TJP1: variants seen among roughly 807,000 people sequenced by gnomAD.
TJP1 encodes the protein tight junction protein 1.
A neutral mutation model predicts 194.2 loss-of-function variants in TJP1; 43 were observed. The ratio of observed to expected loss-of-function variants is 0.22; its 90% CI spans 0.17 to 0.29. The LOEUF is 0.29. TJP1 is among the 10% of genes least tolerant of loss of function. TJP1 has a pLI of 1.00. For synonymous variants in TJP1, 801 were observed against 779.0 expected (o/e 1.03, Z -0.47); for missense variants, 1,971 against 2,185.7 (o/e 0.90, Z 1.96).
In TJP1 at chr15:29,822,253, G is replaced by A; in HGVS notation, c.-225C>T. The stretch of plus-strand genomic sequence containing the variant: ...TCTTCTCCACGGGGCGCGCCCGACC[G>A]GCACCTCCCTCCGAGCGCGGCCACC... On this transcript the variant is annotated 5_prime_UTR_variant, in exon 1 of 28. Coordinates refer to ENST00000614355, the MANE Select transcript of TJP1 (RefSeq NM_001330239.4). 4 of 1,169,064 alleles carry A rather than the reference G, an allele frequency of 3.4e-6. No homozygotes were observed. The highest frequency in any genetic ancestry group is 4.2e-6 in the Non-Finnish European group (4 of 947,430). 72.4% of individuals were successfully genotyped at this position (1,169,064 alleles called of 1,614,324 possible). A position where few individuals can be genotyped will look rare whatever the true frequency, so the allele number is the denominator to read the frequency against.
intron 2 of TJP1, among the ~76,000 whole-genome samples, chr15:29,841,852 C>G (rs776928878): frequency 3.3e-5 from 5 of 152,140 alleles, no homozygotes; most frequent in Non-Finnish European, 5.9e-5. Flanking sequence ...TTTGTGGTCT[C>G]TGTCTTCCAA....
intron 2 of TJP1, among the ~76,000 whole-genome samples, chr15:29,928,846 A>G (rs965435088): frequency 1.2e-4 from 18 of 151,964 alleles, no homozygotes; most frequent in East Asian, 7.8e-4. Flanking sequence ...GGAGGCTGAG[A>G]CAGGAGAATG....
chr15:29,871,408 C>T (rs558190582), intron 2 of TJP1, among the ~76,000 whole-genome samples: 19 of 152,356 alleles, frequency 1.2e-4, no homozygotes, highest in East Asian at 7.7e-4. Context: ...ACCATGCCCT[C>T]GTGGGCAAAA....
intron 1 of TJP1, among the ~76,000 whole-genome samples, chr15:29,967,834 C>G (rs1052693773): frequency 6.6e-6 from 1 of 152,190 alleles, no homozygotes; most frequent in African/African-American, 2.4e-5. Flanking sequence ...ATGAACTACA[C>G]TGACCACTAA....
intron 25 of TJP1, 118 bp downstream of exon 25, chr15:29,708,441 T>C: frequency 1.2e-6 from 1 of 825,998 alleles, no homozygotes; most frequent in Non-Finnish European, 1.9e-6. Flanking sequence ...AACAACACTC[T>C]TCAGTTTAAA....
intron 2 of TJP1, among the ~76,000 whole-genome samples, chr15:29,851,131 C>T (rs1171413292): frequency 1.3e-5 from 2 of 151,844 alleles, no homozygotes; most frequent in South Asian, 4.2e-4. Context: ...GAGTGAGACT[C>T]TGCCTCAAAA....
chr15:29,713,086 A>C (rs774392097), intron 23 of TJP1, among the ~76,000 whole-genome samples: 3 of 152,218 alleles, frequency 2.0e-5, no homozygotes, highest in Non-Finnish European at 4.4e-5. Context: ...GATGTCTCAC[A>C]AACACAAAAA....
chr15:29,912,199 C>T (rs1440037522), intron 2 of TJP1, among the ~76,000 whole-genome samples: 1 of 152,200 alleles, frequency 6.6e-6, no homozygotes, highest in Non-Finnish European at 1.5e-5. Context: ...TAAGCCCATT[C>T]ATGAAGGCTC....
In TJP1 at chr15:29,772,050, G is replaced by T. The variant is rs755198584; in HGVS notation, c.312+14C>A. 1.3e-6 allele frequency: 2 copies of T among 1,551,302 alleles called. No individual in the cohort carries two copies. The highest frequency in any genetic ancestry group is 1.8e-6 in the Non-Finnish European group (2 of 1,135,128). ...TGGGGTACCTTTACTAAATTACAGA[G>T]AAAAGATACTTACAATTTTTGCATT... On this transcript the variant is annotated intron_variant, in intron 4 of 27. Coordinates refer to ENST00000614355, the MANE Select transcript of TJP1 (RefSeq NM_001330239.4).
intron 1 of TJP1, among the ~76,000 whole-genome samples, chr15:29,808,082 AC>A (rs1340033702): frequency 1.3e-5 from 2 of 152,154 alleles, no homozygotes; most frequent in African/African-American, 4.8e-5. Flanking sequence ...AGCCTGGCCA[AC>A]CTGGTGAAAC....
At chr15:29,808,493 A>G (rs1476264695) in intron 1 of TJP1, among the ~76,000 whole-genome samples, 1 of 152,206 alleles carries the variant, frequency 6.6e-6, no homozygotes, top group Non-Finnish European at 1.5e-5. Flanking sequence ...TATGTTATTT[A>G]AAAATTCAAA....
At chr15:29,877,409 G>T (rs558104257) in intron 2 of TJP1, among the ~76,000 whole-genome samples, 25 of 152,248 alleles carry the variant, frequency 1.6e-4, no homozygotes, top group African/African-American at 6.0e-4. Flanking sequence ...TAGACACAGG[G>T]TCTCACTTTG....
chr15:29,748,100 T>C (rs1486463710), intron 8 of TJP1, among the ~76,000 whole-genome samples: 1 of 152,218 alleles, frequency 6.6e-6, no homozygotes, highest in Non-Finnish European at 1.5e-5. Context: ...AAGAGAATTA[T>C]AAAATGAGCT....
intron 4 of TJP1, among the ~76,000 whole-genome samples, chr15:29,770,891 C>T (rs910091077): frequency 6.6e-6 from 1 of 151,762 alleles, no homozygotes; most frequent in East Asian, 1.9e-4. Flanking sequence ...AATATTAAAA[C>T]GTTAAAAATT....
chr15:29,869,956 A>G (rs909050243), intron 2 of TJP1, among the ~76,000 whole-genome samples: 10 of 150,758 alleles, frequency 6.6e-5, no homozygotes, highest in African/African-American at 2.4e-4. Context: ...ATAAGTGCCC[A>G]CCACCACGTC....
intron 2 of TJP1, among the ~76,000 whole-genome samples, chr15:29,899,776 C>T (rs183131567): frequency 9.7e-4 from 147 of 152,246 alleles, no homozygotes; most frequent in African/African-American, 3.3e-3. Flanking sequence ...GTAAAAAGGA[C>T]CCCACCGACC....
In TJP1 at chr15:29,741,207, T is replaced by A. The variant is rs374102376; in HGVS notation, c.1256+124A>T. On this transcript the variant is annotated intron_variant, in intron 10 of 27. Coordinates refer to ENST00000614355, the MANE Select transcript of TJP1 (RefSeq NM_001330239.4). ...AGCAGAATGTTAAATATAAAAATAA[T>A]CATAGTATTAGGTGGTATGTACTAT... is the stretch of plus-strand genomic sequence containing the variant. The A allele has an allele frequency of 4.0e-5, 27 of 667,014 alleles. 1 individual carries two copies. The East Asian group carries it at 6.2e-4, about 15-fold the overall frequency. 41.3% of individuals were successfully genotyped at this position (667,014 alleles called of 1,614,324 possible).
intron 2 of TJP1, among the ~76,000 whole-genome samples, chr15:29,888,270 T>C (rs992656971): frequency 6.6e-6 from 1 of 152,094 alleles, no homozygotes; most frequent in African/African-American, 2.4e-5. Context: ...TGTATGTACA[T>C]ATATATGTGC....
chr15:29,725,825 T>C (rs1261700099), intron 18 of TJP1, among the ~76,000 whole-genome samples: 1 of 152,214 alleles, frequency 6.6e-6, no homozygotes, highest in Non-Finnish European at 1.5e-5. Context: ...GAAAAATAAA[T>C]GCAAGGAAAT....
Sources: gnomAD v4.1 joint callset for allele counts (sites outside exome capture counted in the v4.1 genomes callset) on GRCh38, gnomAD v4.1.1 for gene constraint, MANE v1.5 for transcripts, NCBI Gene and HGNC (gene_info 2026-07-23, HGNC 2026-07-21) for gene names.